Variants in C12orf42 observed in about 807,000 individuals in gnomAD.
C12orf42 encodes uncharacterized protein C12orf42.
Under a neutral mutation model 21.6 loss-of-function variants are expected in C12orf42, and 25 were observed. The observed-to-expected ratio is 1.16, with a 90% CI of 0.84 to 1.62. The LOEUF is 1.62. C12orf42 is among the 40% of genes most tolerant of loss of function. The probability of loss-of-function intolerance (pLI) is 0.00; values close to 1 mark genes in which losing one functional copy is unlikely to be tolerated. For synonymous variants in C12orf42, 174 were observed against 175.0 expected, an observed-to-expected ratio of 0.99 and a Z score of 0.05; for missense variants, 483 against 459.3, an observed-to-expected ratio of 1.05 and a Z score of -0.47.
chr12:103,500,524 G>A (rs1208635937), upstream of C12orf42, among the ~76,000 whole-genome samples: 2 of 152,192 alleles, frequency 1.3e-5, no homozygotes, highest in Non-Finnish European at 2.9e-5. Context: ...ACACAAATAA[G>A]CTAATAAGAG....
At chr12:103,169,689 TG>T in the C12orf42 span, among the ~76,000 whole-genome samples, 1 of 152,090 alleles carries the variant, frequency 6.6e-6, no homozygotes, top group African/African-American at 2.4e-5. Flanking sequence ...CATTGTTAAT[TG>T]ATTAAAGAAG....
At chr12:103,434,709 G>T (rs368053554) in intron 2 of C12orf42, among the ~76,000 whole-genome samples, 15 of 152,144 alleles carry the variant, frequency 9.9e-5, no homozygotes, top group Admixed American at 3.3e-4. Flanking sequence ...AAAAAACACC[G>T]CACCACGAGA....
intron 4 of C12orf42, among the ~76,000 whole-genome samples, chr12:103,278,253 T>A (rs2035897120): frequency 6.6e-6 from 1 of 152,222 alleles, no homozygotes; most frequent in African/African-American, 2.4e-5. Context: ...CTTAGCCATG[T>A]GGATTTTCTG....
the C12orf42 span, among the ~76,000 whole-genome samples, chr12:103,532,061 A>G: frequency 3.9e-5 from 6 of 152,194 alleles, no homozygotes; most frequent in Non-Finnish European, 8.8e-5. Flanking sequence ...GTTCTGCTCT[A>G]TGCCTCAAAG....
chr12:103,283,199 A>C (rs750453007), intron 4 of C12orf42, among the ~76,000 whole-genome samples: 11 of 152,228 alleles, frequency 7.2e-5, no homozygotes, highest in Admixed American at 1.3e-4. Context: ...TTTGCATGTC[A>C]TCAGTATACC....
chr12:103,322,447 T>C (rs771430483), intron 4 of C12orf42, among the ~76,000 whole-genome samples: 15 of 152,220 alleles, frequency 9.9e-5, no homozygotes, highest in Non-Finnish European at 1.9e-4. Context: ...TATTTCACTG[T>C]TTTCACTGCA....
At chr12:103,405,205 A>G (rs2048332188) in intron 2 of C12orf42, among the ~76,000 whole-genome samples, 1 of 152,250 alleles carries the variant, frequency 6.6e-6, no homozygotes, top group African/African-American at 2.4e-5. Context: ...AGAAACCATG[A>G]CTGAACTGGT....
chr12:103,117,270 T>C, the C12orf42 span, among the ~76,000 whole-genome samples: 1 of 152,224 alleles, frequency 6.6e-6, no homozygotes, highest in Non-Finnish European at 1.5e-5. Context: ...TCACTATTTT[T>C]TTAGATTCCA....
chr12:103,342,140 T>G (rs78160339), intron 4 of C12orf42, among the ~76,000 whole-genome samples: 23,679 of 152,094 alleles, frequency 0.16, 2,765 homozygotes, highest in African/African-American at 0.33. Flanking sequence ...AGACCCTCTA[T>G]GTAGTGGGGT....
chr12:103,562,312 GA>G, the C12orf42 span, among the ~76,000 whole-genome samples: 2 of 152,178 alleles, frequency 1.3e-5, no homozygotes, highest in African/African-American at 4.8e-5. Context: ...AAAGTTGTGT[GA>G]GTCTCTGGCC....
chr12:103,294,616 GAAAGAA>G (rs1566026032), intron 4 of C12orf42, among the ~76,000 whole-genome samples: 1 of 137,214 alleles, frequency 7.3e-6, no homozygotes, highest in African/African-American at 2.8e-5. Flanking sequence ...AAGAAAGAAA[GAAAGAA>G]AGAAAGAAAG....
the C12orf42 span, among the ~76,000 whole-genome samples, chr12:103,155,798 C>A: frequency 2.0e-5 from 3 of 147,158 alleles, no homozygotes; most frequent in Non-Finnish European, 3.0e-5. Context: ...AGTACATATA[C>A]ATATACCAGT....
the C12orf42 span, among the ~76,000 whole-genome samples, chr12:103,138,639 C>T: frequency 6.6e-6 from 1 of 152,102 alleles, no homozygotes; most frequent in Non-Finnish European, 1.5e-5. Context: ...AGTCAGAAAC[C>T]AAAATTTCTG....
At position 103,306,256 on chromosome 12, in the gene C12orf42, CTG is replaced by C. The variant is rs935210215; in HGVS notation, c.347_348del (p.Thr116SerfsTer4). The C allele has an allele frequency of 7.4e-6, 12 of 1,613,722 alleles. No individual in the cohort carries two copies. The highest frequency in any genetic ancestry group is 1.0e-5 in the Non-Finnish European group (12 of 1,179,840). Reference protein sequence around the residue: ...QYIVPRCSVSTVSFDEESYEE... With the variant: ...QYIVPRCSVSXVSFDEESYEE... ...TCATAGCTTTCTTCATCAAAAGAAA[CTG>C]TGCTTACAGAACACCTGGGGACTAT... is the stretch of plus-strand genomic sequence containing the variant. On this transcript the variant is annotated frameshift_variant, in exon 5 of 6. Coordinates refer to ENST00000548883, the MANE Select transcript of C12orf42 (RefSeq NM_198521.5). LOFTEE classifies it high-confidence loss of function.
the C12orf42 span, among the ~76,000 whole-genome samples, chr12:103,107,287 T>C: frequency 6.6e-6 from 1 of 151,952 alleles, no homozygotes; most frequent in African/African-American, 2.4e-5. Flanking sequence ...ATGTTACACA[T>C]TGGAAACTTA....
the C12orf42 span, among the ~76,000 whole-genome samples, chr12:103,533,560 G>T: frequency 1.3e-5 from 2 of 152,194 alleles, no homozygotes; most frequent in Non-Finnish European, 2.9e-5. Context: ...CTGTATTCTA[G>T]ATAGTTAATG....
chr12:103,338,819 G>A (rs904562376), intron 4 of C12orf42, among the ~76,000 whole-genome samples: 2 of 152,166 alleles, frequency 1.3e-5, no homozygotes, highest in Admixed American at 6.5e-5. Flanking sequence ...TCCAGCAGGA[G>A]TGGGAACAGG....
chr12:103,537,035 C>A, the C12orf42 span, among the ~76,000 whole-genome samples: 5 of 151,870 alleles, frequency 3.3e-5, no homozygotes, highest in African/African-American at 1.2e-4. Flanking sequence ...TACTCTTGCC[C>A]CAGGACTTAG....
chr12:103,106,977 CA>C, the C12orf42 span, among the ~76,000 whole-genome samples: 81 of 151,954 alleles, frequency 5.3e-4, no homozygotes, highest in African/African-American at 1.8e-3. Context: ...CAAAAGAAGG[CA>C]GATGCAGCAT....
Sources: allele counts gnomAD v4.1 joint callset (sites outside exome capture counted in the v4.1 genomes callset), GRCh38; gene constraint gnomAD v4.1.1; transcripts MANE v1.5; gene names NCBI Gene and HGNC (gene_info 2026-07-23, HGNC 2026-07-21).